The following CEP250 variants were observed in gnomAD, a reference collection of about 807,000 sequenced individuals.
CEP250 encodes the protein centrosome-associated protein CEP250.
A neutral mutation model predicts 315.7 loss-of-function variants in CEP250; 242 were observed. The ratio of observed to expected loss-of-function variants is 0.77; its 90% CI spans 0.69 to 0.85. The LOEUF (loss-of-function observed/expected upper bound fraction) is 0.85. CEP250 is among the 40% of genes least tolerant of loss of function. The probability of loss-of-function intolerance (pLI) is 0.00; values close to 1 mark genes in which losing one functional copy is unlikely to be tolerated. For missense variants in CEP250, 2,515 were observed against 2,886.4 expected (o/e 0.87, Z 2.95); for synonymous variants, 1,088 against 1,175.0 (o/e 0.93, Z 1.51).
chr20:35,480,028 G>A lies in CEP250; in HGVS notation c.2469G>A (p.Glu823=). 13 of 1,613,648 alleles carry A rather than the reference G, an allele frequency of 8.1e-6. No homozygotes were observed. The highest frequency in any genetic ancestry group is 1.1e-5 in the Non-Finnish European group (13 of 1,180,032). ...TGGACACTGAACGGAGTCAGGCAGA[G>A]CAGGAGCGGGATGCTGCAGCCAGAC... ...LELDTERSQA[E]QERDAAARQL... The change falls in exon 20 of 35, where the codon GAG becomes GAA. Residue 823 remains glutamate, a synonymous_variant. Coordinates refer to ENST00000397527, the MANE Select transcript of CEP250 (RefSeq NM_007186.6).
chr20:35,456,217 A>G (rs2062621675), intron 1 of CEP250, among the ~76,000 whole-genome samples: 1 of 152,198 alleles, frequency 6.6e-6, no homozygotes, highest in African/African-American at 2.4e-5. Flanking sequence ...AATCTTCCCA[A>G]CAATCCTATG....
rs1377537825 is a variant in CEP250, at chr20:35,509,035, C to G, written c.6999C>G (p.Pro2333=). The part of the protein sequence containing the change: ...LEISKATASS[P]TQQDGRGQKN... ...TCAGCAAGGCCACGGCTTCTTCACC[C>G]ACACAGCAGGTTTACTCATTTTCCT... The change falls in exon 33 of 35, where the codon CCC becomes CCG. Residue 2333 remains proline, a synonymous_variant. Coordinates refer to ENST00000397527, the MANE Select transcript of CEP250 (RefSeq NM_007186.6). The G allele has an allele frequency of 1.6e-5, 25 of 1,555,128 alleles. No individual in the cohort carries two copies. Among genetic ancestry groups the G allele is most frequent in the Non-Finnish European group, 2.2e-5 (25 of 1,148,704 alleles).
chr20:35,508,017 C>G lies in CEP250; in HGVS notation c.6751-18C>G. On this transcript the variant is annotated intron_variant, in intron 31 of 34. Coordinates refer to ENST00000397527, the MANE Select transcript of CEP250 (RefSeq NM_007186.6). The stretch of plus-strand genomic sequence containing the variant: ...TCTTAGGGGCTGCCCAGGTGAGATT[C>G]ACAGGTCTTTCCCACAGGTCTCAGG... The G allele has an allele frequency of 6.2e-7, 1 of 1,614,038 alleles. No homozygotes were observed.
At chr20:35,495,356 A>T (rs541783769) in intron 24 of CEP250, among the ~76,000 whole-genome samples, 4 of 152,328 alleles carry the variant, frequency 2.6e-5, no homozygotes, top group Admixed American at 2.6e-4. Flanking sequence ...AAATTGATAC[A>T]ATCCAACTTA....
chr20:35,474,622 G>T (rs1322733972), intron 14 of CEP250, among the ~76,000 whole-genome samples: 1 of 152,198 alleles, frequency 6.6e-6, no homozygotes, highest in Non-Finnish European at 1.5e-5. Context: ...AAATGTGCTA[G>T]CTGGTCAAGA....
Position 35,509,011 on chromosome 20 carries a change from C to T in CEP250, c.6975C>T (p.Ile2325=), listed in dbSNP as rs1486338071. 3 of 1,558,422 alleles carry T rather than the reference C, an allele frequency of 1.9e-6. No homozygotes were observed. The highest frequency in any genetic ancestry group is 1.9e-5 in the Admixed American group (1 of 52,010). ...MRAAQAGSLE[I]SKATASSPTQ... ...CGGCCCAGGCAGGGTCCCTAGAGAT[C>T]AGCAAGGCCACGGCTTCTTCACCCA... The change falls in exon 33 of 35, where the codon ATC becomes ATT. Residue 2325 remains isoleucine (I), a synonymous_variant. Transcript: ENST00000397527.
chr20:35,463,768 GT>G, intron 5 of CEP250, 137 bp downstream of exon 5: 1 of 557,310 alleles, frequency 1.8e-6, no homozygotes, highest in Non-Finnish European at 2.8e-6. Flanking sequence ...CCTCTGAGAG[GT>G]TTATCACACT....
intron 1 of CEP250, among the ~76,000 whole-genome samples, chr20:35,457,247 A>G (rs1378222754): frequency 6.6e-6 from 1 of 152,242 alleles, no homozygotes; most frequent in African/African-American, 2.4e-5. Context: ...AGCATTCGAT[A>G]AAACAATGCT....
rs1274397393 is a variant in CEP250 at position 35,502,573 on chromosome 20, G to C, written c.4204G>C (p.Ala1402Pro). 1 of 1,614,238 alleles carries C rather than the reference G, an allele frequency of 6.2e-7. No individual in the cohort carries two copies. The part of the protein sequence containing the change: ...NEEVESERER[A>P]QALQEQGELK... ...GGAAGTAGAGAGTGAGCGTGAGAGA[G>C]CCCAGGCTCTGCAAGAGCAGGGCGA... The change falls in exon 30 of 35, where the codon GCC becomes CCC. Residue 1402 changes from alanine (A) to proline (P), a missense_variant. Physicochemically the swap from Ala to Pro is conservative, Grantham distance 27. Transcript: ENST00000397527.
At position 35,472,789 on chromosome 20, in the gene CEP250, T is replaced by G; in HGVS notation, c.1167T>G (p.Thr389=). 6.2e-7 allele frequency: 1 copy of G among 1,614,196 alleles called. No individual in the cohort carries two copies. The part of the protein sequence containing the change: ...FDYQDADKAL[T]LVRSVLTRRR... ...ACCAGGATGCAGACAAGGCTCTTACTCTGGTGCGTTCAGTGCTGACTCGGA... is the reference window on the plus strand; with the variant it reads ...ACCAGGATGCAGACAAGGCTCTTACGCTGGTGCGTTCAGTGCTGACTCGGA... Residue 389 remains threonine, a synonymous_variant, in exon 12 of 35, where the codon ACT becomes ACG. Coordinates refer to ENST00000397527, the MANE Select transcript of CEP250 (RefSeq NM_007186.6).
At chr20:35,507,930 T>C in intron 31 of CEP250, 79 bp downstream of exon 31, 1 of 1,596,308 alleles carries the variant, frequency 6.3e-7, no homozygotes, top group Non-Finnish European at 8.6e-7. Context: ...CCTTGGGAAC[T>C]GGGTTCCTGA....
chr20:35,500,379 C>T (rs748931392), intron 28 of CEP250, among the ~76,000 whole-genome samples: 5 of 152,196 alleles, frequency 3.3e-5, no homozygotes, highest in Admixed American at 1.3e-4. Flanking sequence ...TATAGGCATG[C>T]GCCACCACGC....
intron 10 of CEP250, among the ~76,000 whole-genome samples, chr20:35,470,456 G>C (rs1183169031): frequency 1.3e-5 from 2 of 152,186 alleles, no homozygotes; most frequent in African/African-American, 4.8e-5. Flanking sequence ...TGGGAAAAGA[G>C]AGTTTATGAA....
At chr20:35,468,793 A>C (rs1018657439) in intron 9 of CEP250, among the ~76,000 whole-genome samples, 5 of 152,154 alleles carry the variant, frequency 3.3e-5, no homozygotes, top group African/African-American at 1.2e-4. Flanking sequence ...CTCTTGCCTC[A>C]GCCTCCAAAG....
chr20:35,485,233 G>A (rs1477362473), intron 20 of CEP250, among the ~76,000 whole-genome samples: 1 of 151,962 alleles, frequency 6.6e-6, no homozygotes, highest in Non-Finnish European at 1.5e-5. Flanking sequence ...ATATTAGCCG[G>A]GTGTGGTGGC....
rs776572048 is a variant in CEP250 at position 35,479,351 on chromosome 20, G to T, written c.2215G>T (p.Ala739Ser). ...QEKEALVREK[A>S]ALEVRLQAVE... ...GAAGGAGGCCCTAGTACGAGAGAAAGCGGCTCTAGAGGTGCGGCTGCAGGC... is the reference window on the plus strand; with the variant it reads ...GAAGGAGGCCCTAGTACGAGAGAAATCGGCTCTAGAGGTGCGGCTGCAGGC... The change falls in exon 18 of 35, where the codon GCG (alanine) becomes TCG (serine). Residue 739 changes from alanine to serine, a missense_variant. Coordinates refer to ENST00000397527, the MANE Select transcript of CEP250 (RefSeq NM_007186.6). 3.1e-6 allele frequency: 5 copies of T among 1,614,220 alleles called. No individual in the cohort carries two copies. Among genetic ancestry groups the T allele is most frequent in the Non-Finnish European group, 4.2e-6 (5 of 1,180,044 alleles).
rs896722122 is a variant in CEP250, at chr20:35,485,373, C to CA, written c.2586+5245dup. 7.6e-3 allele frequency among the ~76,000 whole-genome samples: 604 copies of CA among 79,460 alleles called. 1 individual carries two copies. Among genetic ancestry groups the CA allele is most frequent in the African/African-American group, 0.016 (379 of 23,794 alleles). 52.1% of individuals were successfully genotyped at this position (79,460 alleles called of 152,430 possible). A position where few individuals can be genotyped will look rare whatever the true frequency, so the allele number is the denominator to read the frequency against. ...TGGGCGACAGAGTGAGACTCTGTCT[C>CA]AAAAAAAAAAAAAAAAAGTAAAAAC... On this transcript the variant is annotated intron_variant, in intron 20 of 34. Transcript: ENST00000397527.
In CEP250 at chr20:35,512,150, A is replaced by G; in HGVS notation, c.*524A>G. 1 of 541,740 alleles carries G rather than the reference A, an allele frequency of 1.8e-6. No homozygotes were observed. Among genetic ancestry groups the G allele is most frequent in the South Asian group, 7.9e-5 (1 of 12,738 alleles). 33.6% of individuals were successfully genotyped at this position (541,740 alleles called of 1,614,324 possible). On this transcript the variant is annotated 3_prime_UTR_variant, in exon 35 of 35. Transcript: ENST00000397527. The stretch of plus-strand genomic sequence containing the variant: ...CAAGACAAAGCCCCTGTCCACAGAC[A>G]GCCTACAGTCCAGTTGATGAGAACA...
In CEP250 at chr20:35,478,023, G is replaced by A. The variant is rs2063223147; in HGVS notation, c.2016G>A (p.Glu672=). The part of the protein sequence containing the change: ...THLEAQLQKA[E]EAGAELQADL... The stretch of plus-strand genomic sequence containing the variant: ...TGGAGGCTCAGCTGCAGAAAGCTGA[G>A]GAGGCTGGGGCTGAGCTGCAGGCAG... The change falls in exon 17 of 35, where the codon GAG becomes GAA. Residue 672 remains glutamate, a synonymous_variant. Coordinates refer to ENST00000397527, the MANE Select transcript of CEP250 (RefSeq NM_007186.6). 1 of 1,614,034 alleles carries A rather than the reference G, an allele frequency of 6.2e-7. No individual in the cohort carries two copies. The highest frequency in any genetic ancestry group is 2.2e-5 in the East Asian group (1 of 44,892).
Sources: gnomAD v4.1 joint callset for allele counts (sites outside exome capture counted in the v4.1 genomes callset) on GRCh38, gnomAD v4.1.1 for gene constraint, MANE v1.5 for transcripts, NCBI Gene and HGNC (gene_info 2026-07-23, HGNC 2026-07-21) for gene names.